Variants in HCK observed in about 807,000 individuals in gnomAD.
HCK encodes HCK proto-oncogene, Src family tyrosine kinase.
Under a neutral mutation model 70.4 loss-of-function variants are expected in HCK, and 40 were observed. The ratio of observed to expected loss-of-function variants is 0.57; its 90% CI spans 0.44 to 0.74. The LOEUF is 0.74. Among genes scored for constraint, HCK ranks in the 30% least tolerant of loss-of-function variants. The pLI is 0.00. For missense variants in HCK, 568 were observed against 697.2 expected, an observed-to-expected ratio of 0.81 and a Z score of 2.09; for synonymous variants, 245 against 263.2, an observed-to-expected ratio of 0.93 and a Z score of 0.67.
chr20:32,074,694 C>G lies in HCK; in HGVS notation c.401C>G (p.Ala134Gly). The change falls in exon 5 of 13, where the codon GCC becomes GGC. Residue 134 changes from alanine (A) to glycine (G), a missense_variant. Physicochemically the swap from Ala to Gly is moderately conservative, Grantham distance 60 (BLOSUM62 0). Coordinates refer to ENST00000375852, the MANE Select transcript of HCK (RefSeq NM_002110.5). ...GGCTACATCCCAAGCAACTATGTCG[C>G]CCGCGTTGACTCTCTGGAGACAGAG... 1 of 1,613,862 alleles carries G rather than the reference C, an allele frequency of 6.2e-7. No homozygotes were observed. Among genetic ancestry groups the G allele is most frequent in the Non-Finnish European group, 8.5e-7 (1 of 1,179,752 alleles).
At chr20:32,100,400 G>A (rs180804717) in intron 12 of HCK, among the ~76,000 whole-genome samples, 4 of 152,270 alleles carry the variant, frequency 2.6e-5, no homozygotes, top group Admixed American at 2.6e-4. Context: ...ATTCGTGACT[G>A]GCATACGTTG....
intron 1 of HCK, among the ~76,000 whole-genome samples, chr20:32,059,580 A>G (rs1177241772): frequency 1.3e-5 from 2 of 150,732 alleles, no homozygotes; most frequent in African/African-American, 4.9e-5. Flanking sequence ...CAGTGATGCT[A>G]TCATGGCTCA....
rs114995233 is a variant in HCK at position 32,055,268 on chromosome 20, C to T, written c.62+2782C>T. Among the ~76,000 whole-genome samples, 709 of 152,254 alleles carry T rather than the reference C, an allele frequency of 4.7e-3. 6 individuals carry two copies. Among genetic ancestry groups the T allele is most frequent in the African/African-American group, 0.017 (693 of 41,548 alleles). On this transcript the variant is annotated intron_variant, in intron 1 of 12. Coordinates refer to ENST00000375852, the MANE Select transcript of HCK (RefSeq NM_002110.5). ...AATGTTGCTCTGCTGATCTCCCAGC[C>T]GTCTCTGGATCAATGGCCTTTCTTT...
At chr20:32,089,665 C>G (rs993001585) in intron 10 of HCK, among the ~76,000 whole-genome samples, 1 of 152,212 alleles carries the variant, frequency 6.6e-6, no homozygotes, top group Non-Finnish European at 1.5e-5. Flanking sequence ...CTCTCACCCC[C>G]AGCCTAAGCA....
chr20:32,063,237 TG>T (rs1200780311), intron 1 of HCK, among the ~76,000 whole-genome samples: 4 of 152,142 alleles, frequency 2.6e-5, no homozygotes, highest in African/African-American at 7.2e-5. Flanking sequence ...CGAATGTGTA[TG>T]GGGGGCCTAT....
intron 1 of HCK, among the ~76,000 whole-genome samples, chr20:32,058,957 G>T (rs1326059510): frequency 1.3e-5 from 2 of 152,200 alleles, no homozygotes; most frequent in African/African-American, 4.8e-5. Flanking sequence ...TACTCCTGGG[G>T]ATGTGATAAT....
rs181412607 is a variant in HCK, at chr20:32,090,598, T to C, written c.1092+1954T>C. Reference sequence around the variant, plus strand: ...CCTTGAGGCATCCATAGGATTCAGTTGGAAGAGCTCTACAGGTCCTTCCAG... The same window carrying C: ...CCTTGAGGCATCCATAGGATTCAGTCGGAAGAGCTCTACAGGTCCTTCCAG... On this transcript the variant is annotated intron_variant, in intron 10 of 12. Coordinates refer to ENST00000375852, the MANE Select transcript of HCK (RefSeq NM_002110.5). Among the ~76,000 whole-genome samples, 679 of 152,282 alleles carry C rather than the reference T, an allele frequency of 4.5e-3. 4 individuals carry two copies. The highest frequency in any genetic ancestry group is 0.015 in the African/African-American group (643 of 41,554).
At chr20:32,073,027 G>T (rs1213691801) in intron 2 of HCK, among the ~76,000 whole-genome samples, 1 of 151,932 alleles carries the variant, frequency 6.6e-6, no homozygotes, top group African/African-American at 2.4e-5. Flanking sequence ...TTGAACCCGA[G>T]AGGTGGAGGT....
intron 5 of HCK, among the ~76,000 whole-genome samples, chr20:32,077,190 G>A (rs1159017449): frequency 2.0e-5 from 3 of 152,142 alleles, no homozygotes; most frequent in Non-Finnish European, 4.4e-5. Flanking sequence ...GTTGCCTCTG[G>A]GGAGCACAAC....
At chr20:32,099,180 T>G (rs749819847) in intron 12 of HCK, 45 bp downstream of exon 12, 3 of 1,598,290 alleles carry the variant, frequency 1.9e-6, no homozygotes, top group South Asian at 2.2e-5. Context: ...GGGCCCAGTC[T>G]GGCAATGGGC....
rs1382537790 is a variant in HCK, at chr20:32,084,011, G to A, written c.650G>A (p.Ser217Asn). The A allele has an allele frequency of 6.2e-7, 1 of 1,614,068 alleles. No homozygotes were observed. The highest frequency in any genetic ancestry group is 8.5e-7 in the Non-Finnish European group (1 of 1,180,036). ...TACATATCCCCCCGAAGCACCTTCA[G>A]CACTCTGCAGGAGCTGGTGGACCAC... Residue 217 changes from serine (S) to asparagine (N), a missense_variant, in exon 7 of 13, where the codon AGC (serine) becomes AAC (asparagine). Transcript: ENST00000375852.
chr20:32,074,292 C>A (rs554260040), intron 4 of HCK, among the ~76,000 whole-genome samples: 2 of 152,282 alleles, frequency 1.3e-5, no homozygotes, highest in East Asian at 3.9e-4. Context: ...CCAGCTGAAC[C>A]ATTCTGAGTC....
At chr20:32,090,775 A>AGTCAGCAGG (rs2045854267) in intron 10 of HCK, among the ~76,000 whole-genome samples, 1 of 152,198 alleles carries the variant, frequency 6.6e-6, no homozygotes, top group Non-Finnish European at 1.5e-5. Flanking sequence ...TTATTCATTC[A>AGTCAGCAGG]GTCAGCAGAC....
chr20:32,071,900 A>G, intron 2 of HCK, 118 bp downstream of exon 2: 1 of 1,263,496 alleles, frequency 7.9e-7, no homozygotes, highest in South Asian at 1.5e-5. Context: ...AAGGGAGCTG[A>G]CTGGCCACCA....
At chr20:32,080,676 T>C (rs1279356008) in intron 6 of HCK, among the ~76,000 whole-genome samples, 2 of 152,156 alleles carry the variant, frequency 1.3e-5, no homozygotes, top group Non-Finnish European at 2.9e-5. Flanking sequence ...CTTTCTGTTT[T>C]TCTTTCTTTC....
rs147876395 is a variant in HCK at position 32,084,422 on chromosome 20, G to A, written c.714G>A (p.Ser238=). 3.1e-5 allele frequency: 50 copies of A among 1,613,908 alleles called. No individual in the cohort carries two copies. Among genetic ancestry groups the A allele is most frequent in the Middle Eastern group, 1.6e-4 (1 of 6,084 alleles). Reference sequence around the variant, plus strand: ...ACGACGGGCTCTGCCAGAAACTGTCGGTGCCCTGCATGTCTTCCAAGCCCC... The same window carrying A: ...ACGACGGGCTCTGCCAGAAACTGTCAGTGCCCTGCATGTCTTCCAAGCCCC... The change falls in exon 8 of 13, where the codon TCG becomes TCA. Residue 238 remains serine (S), a synonymous_variant. Transcript: ENST00000375852.
chr20:32,052,900 C>A (rs1375393399), intron 1 of HCK, among the ~76,000 whole-genome samples: 1 of 151,212 alleles, frequency 6.6e-6, no homozygotes, highest in Non-Finnish European at 1.5e-5. Context: ...CGGGTCACGC[C>A]GGGTTGGCAG....
At chr20:32,055,012 TC>T (rs1568949408) in intron 1 of HCK, among the ~76,000 whole-genome samples, 1 of 152,198 alleles carries the variant, frequency 6.6e-6, no homozygotes, top group Non-Finnish European at 1.5e-5. Flanking sequence ...TATTTCTCTT[TC>T]CCCTGTGGAT....
intron 10 of HCK, among the ~76,000 whole-genome samples, chr20:32,091,255 T>C (rs2045859717): frequency 6.6e-6 from 1 of 152,218 alleles, no homozygotes; most frequent in South Asian, 2.1e-4. Context: ...GCATTAGTCC[T>C]TGCTCCAGAA....
Sources: allele counts gnomAD v4.1 joint callset (sites outside exome capture counted in the v4.1 genomes callset), GRCh38; gene constraint gnomAD v4.1.1; transcripts MANE v1.5; gene names NCBI Gene and HGNC (gene_info 2026-07-23, HGNC 2026-07-21).